MPP2: variants seen among roughly 807,000 people sequenced by gnomAD.
The protein encoded by MPP2 is MAGUK p55 subfamily member 2.
MPP2 carries 42 observed loss-of-function variants against 58.5 expected under a neutral mutation model. That is an observed-to-expected ratio of 0.72 (90% confidence interval 0.56 to 0.93). The LOEUF is 0.93. Ranked by LOEUF, MPP2 falls within the 40% of genes least tolerant of loss-of-function variation. MPP2 has a pLI of 0.00. For missense variants in MPP2, 632 were observed against 760.4 expected (o/e 0.83, Z 1.99); for synonymous variants, 300 against 307.8 (o/e 0.97, Z 0.26).
rs1330990922 is a variant in MPP2, at chr17:43,899,335, C to G, written c.32-955G>C. ...GAAGCCCAGGGCTCAGCCACCTGTA[C>G]CTGGCAGGCTCAAGGATGAGACAGA... On this transcript the variant is annotated intron_variant, in intron 2 of 12. Coordinates refer to ENST00000269095, the MANE Select transcript of MPP2 (RefSeq NM_005374.5). 2.0e-5 allele frequency among the ~76,000 whole-genome samples: 3 copies of G among 152,156 alleles called. No homozygotes were observed. The East Asian group carries it at 5.8e-4, about 29-fold the overall frequency.
Position 43,883,038 on chromosome 17 carries a change from C to T in MPP2, c.318G>A (p.Thr106=), listed in dbSNP as rs553317360. Residue 106 remains threonine (T), a synonymous_variant, in exon 5 of 13, where the codon ACG becomes ACA. Coordinates refer to ENST00000269095, the MANE Select transcript of MPP2 (RefSeq NM_005374.5). Reference sequence around the variant, plus strand: ...AGGTCTTTGAGGCCACAGAGTCGTGCGTCTCCAGGAGGGACTGGGGGGTGG... The same window carrying T: ...AGGTCTTTGAGGCCACAGAGTCGTGTGTCTCCAGGAGGGACTGGGGGGTGG... ...QEPHFQSLLE[T]HDSVASKTYE... is the part of the protein sequence containing the mutation. 35 of 1,613,186 alleles carry T rather than the reference C, an allele frequency of 2.2e-5. No homozygotes were observed. Among genetic ancestry groups the T allele is most frequent in the South Asian group, 1.3e-4 (12 of 90,956 alleles).
chr17:43,888,322 TGGGGCAGAGGA>T (rs2047455867), intron 3 of MPP2, among the ~76,000 whole-genome samples: 2 of 152,158 alleles, frequency 1.3e-5, no homozygotes, highest in African/African-American at 4.8e-5. Flanking sequence ...AGACAACTGA[TGGGGCAGAGGA>T]GTAGCATTTG....
chr17:43,903,827 A>T (rs939134326), intron 2 of MPP2, among the ~76,000 whole-genome samples: 1 of 152,220 alleles, frequency 6.6e-6, no homozygotes, highest in Admixed American at 6.5e-5. Context: ...TGCGAGCTCC[A>T]AGAGGTTAAG....
At chr17:43,893,528 T>C (rs1037407737) in intron 3 of MPP2, among the ~76,000 whole-genome samples, 9 of 152,178 alleles carry the variant, frequency 5.9e-5, no homozygotes, top group African/African-American at 1.7e-4. Flanking sequence ...CCCCAAGCCA[T>C]GGACCAGTAC....
chr17:43,898,396 G>C lies in MPP2; in HGVS notation c.32-16C>G, dbSNP rs771452160. The C allele has an allele frequency of 5.0e-6, 8 of 1,586,990 alleles. No homozygotes were observed. In the African/African-American group the frequency reaches 1.1e-4, roughly 21 times the overall value. ...TGCTGCATGGCTGGGGGAAGGTACG[G>C]GCAGTGAGATACACAGGTACCAGCT... On this transcript the variant is annotated splice_polypyrimidine_tract_variant and intron_variant, in intron 2 of 12. Transcript: ENST00000269095.
rs190396769 is a variant in MPP2, at chr17:43,894,251, T to C, written c.150+4011A>G. On this transcript the variant is annotated intron_variant, in intron 3 of 12. Transcript: ENST00000269095. Reference sequence around the variant, plus strand: ...GGCCAACATGGTGAAACCCCATCTCTACTAAAAATACAAAAATTAGCTGGG... The same window carrying C: ...GGCCAACATGGTGAAACCCCATCTCCACTAAAAATACAAAAATTAGCTGGG... 1.0e-3 allele frequency among the ~76,000 whole-genome samples: 154 copies of C among 151,608 alleles called. 2 individuals are homozygous for C. Among genetic ancestry groups the C allele is most frequent in the African/African-American group, 3.6e-3 (148 of 41,424 alleles).
At position 43,882,504 on chromosome 17, in the gene MPP2, G is replaced by C. The variant is rs779453977; in HGVS notation, c.461C>G (p.Thr154Arg). ...CAGCTCGCCGCCCTCCACGCGGAAC[G>C]TTACACCCTGGAGGTCAGAGGGAGT... ...RKTAGEHLGV[T>R]FRVEGGELVI... The change falls in exon 6 of 13, where the codon ACG becomes AGG. Residue 154 changes from threonine (T) to arginine (R), a missense_variant. Thr to Arg is a moderately conservative substitution (Grantham distance 71). Transcript: ENST00000269095. The C allele has an allele frequency of 5.0e-6, 8 of 1,603,246 alleles. No individual in the cohort carries two copies. The highest frequency in any genetic ancestry group is 6.8e-6 in the Non-Finnish European group (8 of 1,179,836).
Position 43,880,725 on chromosome 17 carries a change from CAT to C in MPP2, c.1114_1115del (p.Met372ValfsTer38). The stretch of plus-strand genomic sequence containing the variant: ...TGGTGCCATAGCGATCTGGATCCCA[CAT>C]GATGAGCTTGTTCTTCAGGCTGCGC... Reference protein sequence around the residue: ...GRRSLKNKLIMWDPDRYGTTV... With the variant: ...GRRSLKNKLIXWDPDRYGTTV... On this transcript the variant is annotated frameshift_variant, in exon 10 of 13. Transcript: ENST00000269095. LOFTEE classifies it high-confidence loss of function. The surrounding 1 kb of genome is among the most constrained non-coding windows in gnomAD (Gnocchi z 5.2). 1 of 1,613,648 alleles carries C rather than the reference CAT, an allele frequency of 6.2e-7. No individual in the cohort carries two copies. The highest frequency in any genetic ancestry group is 8.5e-7 in the Non-Finnish European group (1 of 1,179,710).
upstream of MPP2, among the ~76,000 whole-genome samples, chr17:43,908,857 T>C (rs1277145946): frequency 1.3e-5 from 2 of 152,158 alleles, no homozygotes; most frequent in African/African-American, 4.8e-5. Context: ...AGTTTGGATA[T>C]AGGAAAAAGC....
rs2047019574 is a variant in MPP2 at position 43,879,785 on chromosome 17, G to C, written c.1350C>G (p.Pro450=). 1 of 1,613,354 alleles carries C rather than the reference G, an allele frequency of 6.2e-7. No homozygotes were observed. Residue 450 remains proline, a synonymous_variant, in exon 11 of 13, where the codon CCC becomes CCG. Transcript: ENST00000269095. This position sits in a 1 kb window ranked among gnomAD's most constrained non-coding sequence, Gnocchi z 4.1. The part of the protein sequence containing the change: ...AGKVCVLDVN[P]QAVKVLRTAE... ...GGAAGGAGCAGAGTGGCGGTACCTG[G>C]GGGTTGACATCCAGCACGCACACCT...
At chr17:43,900,147 A>G (rs1004308819) in intron 2 of MPP2, among the ~76,000 whole-genome samples, 36 of 152,094 alleles carry the variant, frequency 2.4e-4, no homozygotes, top group Non-Finnish European at 8.8e-5. Flanking sequence ...CTTCTCCAGA[A>G]AAAAAAGTGC....
Position 43,880,556 on chromosome 17 carries a change from T to C in MPP2, c.1150+135A>G. 1 of 994,614 alleles carries C rather than the reference T, an allele frequency of 1.0e-6. No individual in the cohort carries two copies. The highest frequency in any genetic ancestry group is 1.6e-5 in the African/African-American group (1 of 61,156). 61.6% of individuals were successfully genotyped at this position (994,614 alleles called of 1,614,324 possible). A position where few individuals can be genotyped will look rare whatever the true frequency, so the allele number is the denominator to read the frequency against. On this transcript the variant is annotated intron_variant, in intron 10 of 12. Coordinates refer to ENST00000269095, the MANE Select transcript of MPP2 (RefSeq NM_005374.5). The surrounding 1 kb of genome is among the most constrained non-coding windows in gnomAD (Gnocchi z 5.2). The stretch of plus-strand genomic sequence containing the variant: ...TTCCCCTAACCACCCACAGAGGGCG[T>C]GCACCCCAACCCGTGTACCCAAAGG...
chr17:43,907,976 G>A (rs1415447610), upstream of MPP2: 17 of 985,280 alleles, frequency 1.7e-5, no homozygotes, highest in Admixed American at 3.1e-4. Flanking sequence ...CAGGAAGCAG[G>A]ATACCAGCCC....
At chr17:43,894,928 A>G (rs1337131300) in intron 3 of MPP2, among the ~76,000 whole-genome samples, 1 of 152,020 alleles carries the variant, frequency 6.6e-6, no homozygotes, top group Non-Finnish European at 1.5e-5. Flanking sequence ...GGGAGATGGA[A>G]TAAGACCCTG....
chr17:43,900,486 C>T, intron 2 of MPP2: 1 of 1,548,814 alleles, frequency 6.5e-7, no homozygotes, highest in Admixed American at 2.0e-5. Context: ...CTCTGGAGCT[C>T]CGCTTCCTCA....
At chr17:43,882,639 A>G in intron 5 of MPP2, 128 bp from the exon 6 acceptor site, 2 of 732,020 alleles carry the variant, frequency 2.7e-6, no homozygotes, top group South Asian at 3.6e-5. Context: ...GTCCTCCTCC[A>G]TCCTTCTGCC....
intron 3 of MPP2, among the ~76,000 whole-genome samples, chr17:43,885,122 CAAAA>C (rs540949072): frequency 5.0e-5 from 3 of 60,524 alleles, no homozygotes; most frequent in African/African-American, 4.9e-5. Context: ...AACTCCAGCT[CAAAA>C]AAAAAAAAAA....
At chr17:43,900,561 C>T (rs750369768) in intron 2 of MPP2, 40 of 1,543,734 alleles carry the variant, frequency 2.6e-5, no homozygotes, top group Non-Finnish European at 3.5e-5. Context: ...ATGGCGGCCC[C>T]CAGACCCGGG....
Position 43,880,591 on chromosome 17 carries a change from G to T in MPP2, c.1150+100C>A. Reference sequence around the variant, plus strand: ...CCCGTGTACCCAAAGGTACCACCTGGCCTGGTGCCCATGAAGATGCCCATT... The same window carrying T: ...CCCGTGTACCCAAAGGTACCACCTGTCCTGGTGCCCATGAAGATGCCCATT... On this transcript the variant is annotated intron_variant, in intron 10 of 12. Coordinates refer to ENST00000269095, the MANE Select transcript of MPP2 (RefSeq NM_005374.5). The surrounding 1 kb of genome is among the most constrained non-coding windows in gnomAD (Gnocchi z 5.2). The T allele has an allele frequency of 7.2e-7, 1 of 1,380,126 alleles. No homozygotes were observed. The highest frequency in any genetic ancestry group is 9.8e-7 in the Non-Finnish European group (1 of 1,024,442). The allele number at this position is 1,380,126 out of a possible 1,614,324, so 85.5% of individuals were successfully genotyped here.
Sources: allele counts gnomAD v4.1 joint callset (sites outside exome capture counted in the v4.1 genomes callset), GRCh38; gene constraint gnomAD v4.1.1; non-coding constraint Gnocchi (gnomAD v3.1); transcripts MANE v1.5; gene names NCBI Gene and HGNC (gene_info 2026-07-23, HGNC 2026-07-21).